CNBD1: variants seen among roughly 807,000 people sequenced by gnomAD.
The protein encoded by CNBD1 is cyclic nucleotide-binding domain-containing protein 1.
CNBD1 carries 71 observed loss-of-function variants against 54.4 expected under a neutral mutation model. The observed-to-expected ratio is 1.30, with a 90% CI of 1.08 to 1.59. The LOEUF is 1.59. CNBD1 is among the 40% of genes most tolerant of loss of function. CNBD1 has a pLI of 0.00. For synonymous variants in CNBD1, 182 were observed against 170.7 expected (o/e 1.07, Z -0.51); for missense variants, 659 against 518.0 (o/e 1.27, Z -2.64).
intron 1 of CNBD1, among the ~76,000 whole-genome samples, chr8:86,870,899 G>A (rs1010493045): frequency 1.3e-5 from 2 of 152,122 alleles, no homozygotes; most frequent in African/African-American, 4.8e-5. Context: ...CCATTTCTGT[G>A]TCTATATAAT....
chr8:87,129,700 A>G (rs556422407), intron 4 of CNBD1, among the ~76,000 whole-genome samples: 57 of 152,162 alleles, frequency 3.7e-4, no homozygotes, highest in African/African-American at 1.3e-3. Context: ...CTTTCTAAGC[A>G]ATGTTTTAGC....
In CNBD1 at chr8:87,092,431, ATGTGTGTGTGTATATATATACACATATG is replaced by A. The variant is rs1260307546; in HGVS notation, c.432-113524_432-113497del. ...TATATGTGTGTGTATGTATGTATGTATGTGTGTGTGTATATATATACACATATGTGTGTGTGTGTATATATATACACAT... is the reference window on the plus strand; with the variant it reads ...TATATGTGTGTGTATGTATGTATGTATGTGTGTGTGTATATATATACACAT... On this transcript the variant is annotated intron_variant, in intron 4 of 10. Transcript: ENST00000518476. Among the ~76,000 whole-genome samples, 857 of 113,484 alleles carry A rather than the reference ATGTGTGTGTGTATATATATACACATATG, an allele frequency of 7.6e-3. 1 individual carries two copies. Among genetic ancestry groups the A allele is most frequent in the Non-Finnish European group, 0.01 (540 of 53,408 alleles). The allele number at this position is 113,484 out of a possible 152,430, so 74.4% of individuals were successfully genotyped here.
At chr8:87,121,292 T>A (rs1025036585) in intron 4 of CNBD1, among the ~76,000 whole-genome samples, 2 of 151,752 alleles carry the variant, frequency 1.3e-5, no homozygotes, top group African/African-American at 2.4e-5. Context: ...TACATCTATA[T>A]AAATATTAGA....
Position 87,351,813 on chromosome 8 carries a change from T to C in CNBD1, c.1152+19T>C. 6.9e-7 allele frequency: 1 copy of C among 1,448,376 alleles called. No individual in the cohort carries two copies. Among genetic ancestry groups the C allele is most frequent in the African/African-American group, 1.5e-5 (1 of 67,566 alleles). The allele number at this position is 1,448,376 out of a possible 1,614,324, so 89.7% of individuals were successfully genotyped here. ...TAAAGTGGTAAGTTTTCAACATGTA[T>C]TCTTTTTAATCAATTAATCTACTCT... On this transcript the variant is annotated intron_variant, in intron 9 of 10. Coordinates refer to ENST00000518476, the MANE Select transcript of CNBD1 (RefSeq NM_173538.3).
At chr8:86,927,987 T>C (rs1054532520) in intron 3 of CNBD1, among the ~76,000 whole-genome samples, 2 of 152,048 alleles carry the variant, frequency 1.3e-5, no homozygotes, top group South Asian at 2.1e-4. Context: ...GAATCCAAGA[T>C]TCCACTCTTG....
chr8:87,076,735 C>G (rs778671924), intron 4 of CNBD1, among the ~76,000 whole-genome samples: 2 of 151,534 alleles, frequency 1.3e-5, no homozygotes, highest in Non-Finnish European at 2.9e-5. Context: ...AGCCACCACA[C>G]CCGGCTGAAC....
intron 4 of CNBD1, among the ~76,000 whole-genome samples, chr8:87,185,881 T>C (rs1349393420): frequency 1.3e-5 from 2 of 152,152 alleles, no homozygotes; most frequent in Admixed American, 1.3e-4. Context: ...TCCTCAGTTA[T>C]GTCTCCTCAA....
chr8:87,038,691 G>A (rs1810000758), intron 4 of CNBD1, among the ~76,000 whole-genome samples: 1 of 152,176 alleles, frequency 6.6e-6, no homozygotes. Flanking sequence ...TACAAAGGTA[G>A]TTTAGTTTTG....
chr8:87,210,451 T>C (rs958372451), intron 5 of CNBD1, among the ~76,000 whole-genome samples: 1 of 152,144 alleles, frequency 6.6e-6, no homozygotes, highest in Non-Finnish European at 1.5e-5. Context: ...TCAAAGGCAT[T>C]TCAGAGATCT....
intron 4 of CNBD1, among the ~76,000 whole-genome samples, chr8:87,203,795 A>G (rs922241362): frequency 5.9e-5 from 9 of 152,200 alleles, no homozygotes; most frequent in African/African-American, 1.4e-4. Context: ...ATTTGTTGCT[A>G]TCCCCTTACA....
chr8:87,143,868 C>A (rs1055880648), intron 4 of CNBD1, among the ~76,000 whole-genome samples: 3 of 152,044 alleles, frequency 2.0e-5, no homozygotes, highest in Admixed American at 6.6e-5. Flanking sequence ...TAAGACAAAA[C>A]CTTAGTTTTA....
At chr8:87,006,758 G>T (rs1809106154) in intron 4 of CNBD1, among the ~76,000 whole-genome samples, 1 of 152,146 alleles carries the variant, frequency 6.6e-6, no homozygotes, top group South Asian at 2.1e-4. Flanking sequence ...CATATCAGAT[G>T]ACAACTCCTC....
At chr8:86,880,667 C>G (rs1391518376) in intron 1 of CNBD1, among the ~76,000 whole-genome samples, 1 of 151,922 alleles carries the variant, frequency 6.6e-6, no homozygotes, top group Non-Finnish European at 1.5e-5. Flanking sequence ...ACACTTTGGT[C>G]CTGAAGAGGA....
At chr8:87,351,189 G>A (rs538314799) in intron 8 of CNBD1, among the ~76,000 whole-genome samples, 1 of 152,146 alleles carries the variant, frequency 6.6e-6, no homozygotes, top group South Asian at 2.1e-4. Context: ...GGTTCAAACT[G>A]GGCCAATGTG....
At chr8:87,007,369 T>A (rs534774770) in intron 4 of CNBD1, among the ~76,000 whole-genome samples, 30 of 152,224 alleles carry the variant, frequency 2.0e-4, no homozygotes, top group African/African-American at 7.0e-4. Context: ...CATAAGCTCT[T>A]ATTTTTATTT....
intron 5 of CNBD1, among the ~76,000 whole-genome samples, chr8:87,223,230 TTTTATTTA>T (rs201362606): frequency 1.2e-4 from 18 of 149,624 alleles, no homozygotes; most frequent in Non-Finnish European, 2.1e-4. Flanking sequence ...TTTTTTTAAT[TTTTATTTA>T]TTTATTTATT....
At chr8:87,200,573 G>T (rs867854211) in intron 4 of CNBD1, among the ~76,000 whole-genome samples, 1 of 151,996 alleles carries the variant, frequency 6.6e-6, no homozygotes, top group Non-Finnish European at 1.5e-5. Context: ...GTAATGAAAT[G>T]GAGGACATCT....
intron 10 of CNBD1, among the ~76,000 whole-genome samples, chr8:87,370,927 G>A (rs965335083): frequency 4.6e-5 from 7 of 151,174 alleles, no homozygotes; most frequent in African/African-American, 1.7e-4. Context: ...AAGGGATCCA[G>A]TTTCAGCTTT....
At chr8:86,874,990 A>ATG in intron 1 of CNBD1, among the ~76,000 whole-genome samples, 1 of 21,638 alleles carries the variant, frequency 4.6e-5, no homozygotes, top group Non-Finnish European at 1.1e-4. Context: ...ATCAATTTAT[A>ATG]TATATATATA....
Sources: allele counts gnomAD v4.1 joint callset (sites outside exome capture counted in the v4.1 genomes callset), GRCh38; gene constraint gnomAD v4.1.1; transcripts MANE v1.5; gene names NCBI Gene and HGNC (gene_info 2026-07-23, HGNC 2026-07-21).